GMPPB: variants seen among roughly 807,000 people sequenced by gnomAD.
The protein encoded by GMPPB is GDP-mannose pyrophosphorylase B.
GMPPB carries 38 observed loss-of-function variants against 40.3 expected under a neutral mutation model. That is an observed-to-expected ratio of 0.94 (90% CI 0.73 to 1.24). The LOEUF is 1.24. GMPPB is among the 50% of genes most tolerant of loss of function. The probability of loss-of-function intolerance (pLI) is 0.00; values close to 1 mark genes in which losing one functional copy is unlikely to be tolerated. For synonymous variants in GMPPB, 193 were observed against 191.8 expected (o/e 1.01, Z -0.05); for missense variants, 436 against 487.1 (o/e 0.90, Z 0.99).
At position 49,723,097 on chromosome 3, in the gene GMPPB, C is replaced by CCAG. The variant is rs2080448290; in HGVS notation, c.274_276dup (p.Leu92dup). On this transcript the variant is annotated inframe_insertion, in exon 4 of 9. Transcript: ENST00000308388. Reference sequence around the variant, plus strand: ...GCAGTCTCAGAGAGTAGGTCACGGGCCAGCGCCAGGGGCCCAGCTGGGGGA... The same window carrying CCAG: ...GCAGTCTCAGAGAGTAGGTCACGGGCCAGCAGCGCCAGGGGCCCAGCTGGGGGA... 1 of 1,613,978 alleles carries CCAG rather than the reference C, an allele frequency of 6.2e-7. No individual in the cohort carries two copies. Among genetic ancestry groups the CCAG allele is most frequent in the African/African-American group, 1.3e-5 (1 of 75,036 alleles).
chr3:49,720,621 C>T lies in GMPPB; in HGVS notation c.*1131G>A. 6.2e-7 allele frequency: 1 copy of T among 1,604,506 alleles called. No individual in the cohort carries two copies. The highest frequency in any genetic ancestry group is 8.5e-7 in the Non-Finnish European group (1 of 1,173,482). On this transcript the variant is annotated 3_prime_UTR_variant, in exon 9 of 9. Transcript: ENST00000308388. ...CCAGCACCTGGCACTGCTCTGCCAG[C>T]CCCTGACCGGAAGCGCTTCTCCCTG...
rs745364258 is a variant in GMPPB, at chr3:49,720,945, T to C, written c.*807A>G. 3.7e-6 allele frequency: 6 copies of C among 1,607,258 alleles called. No individual in the cohort carries two copies. The highest frequency in any genetic ancestry group is 5.1e-6 in the Non-Finnish European group (6 of 1,174,064). ...CCATGCCACTTGAATATGTGTGCAC[T>C]CCTACACAGGCACAACGGACATCCA... is the stretch of plus-strand genomic sequence containing the variant. On this transcript the variant is annotated 3_prime_UTR_variant, in exon 9 of 9. Coordinates refer to ENST00000308388, the MANE Select transcript of GMPPB (RefSeq NM_021971.4).
At chr3:49,721,936 T>TACC in intron 8 of GMPPB, 29 bp downstream of exon 8, 6 of 1,584,952 alleles carry the variant, frequency 3.8e-6, no homozygotes, top group African/African-American at 1.3e-5. Flanking sequence ...CCCGCCCCTC[T>TACC]CCCCACCCAG....
rs570077731 is a variant in GMPPB, at chr3:49,721,599, A to G, written c.*153T>C. On this transcript the variant is annotated 3_prime_UTR_variant, in exon 9 of 9. Transcript: ENST00000308388. Reference sequence around the variant, plus strand: ...TGCCCAGCAGGGATCCTGCCAGATGATGTCCACATGAGAAGGCAGGTGTCC... The same window carrying G: ...TGCCCAGCAGGGATCCTGCCAGATGGTGTCCACATGAGAAGGCAGGTGTCC... 15 of 839,168 alleles carry G rather than the reference A, an allele frequency of 1.8e-5. No individual in the cohort carries two copies. Among genetic ancestry groups the G allele is most frequent in the Admixed American group, 1.2e-4 (6 of 49,238 alleles). 52.0% of individuals were successfully genotyped at this position (839,168 alleles called of 1,614,324 possible). A position where few individuals can be genotyped will look rare whatever the true frequency, so the allele number is the denominator to read the frequency against.
Position 49,722,486 on chromosome 3 carries a change from C to T in GMPPB, c.586G>A (p.Glu196Lys), listed in dbSNP as rs758587073. ...IQLQPTSIEKEVFPIMAKEGQ... is the reference protein window; with the variant it reads ...IQLQPTSIEKKVFPIMAKEGQ... Reference sequence around the variant, plus strand: ...TCCTTGGCCATAATGGGGAAGACCTCCTTCTCAATGGACGTAGGCTGCAGC... The same window carrying T: ...TCCTTGGCCATAATGGGGAAGACCTTCTTCTCAATGGACGTAGGCTGCAGC... Residue 196 changes from glutamate to lysine, a missense_variant, in exon 6 of 9, where the codon GAG (glutamate) becomes AAG (lysine). Coordinates refer to ENST00000308388, the MANE Select transcript of GMPPB (RefSeq NM_021971.4). 6.2e-7 allele frequency: 1 copy of T among 1,614,216 alleles called. No homozygotes were observed. Among genetic ancestry groups the T allele is most frequent in the Non-Finnish European group, 8.5e-7 (1 of 1,180,026 alleles).
chr3:49,720,429 G>A lies in GMPPB; in HGVS notation c.*1323C>T. 4 of 1,398,938 alleles carry A rather than the reference G, an allele frequency of 2.9e-6. No individual in the cohort carries two copies. Among genetic ancestry groups the A allele is most frequent in the African/African-American group, 2.9e-5 (2 of 69,564 alleles). The allele number at this position is 1,398,938 out of a possible 1,614,324, so 86.7% of individuals were successfully genotyped here. The stretch of plus-strand genomic sequence containing the variant: ...GGGGGGTGATCATGTACGAGCCATG[G>A]CACTCCTCATTGGCAATCCCAAGAG... On this transcript the variant is annotated 3_prime_UTR_variant, in exon 9 of 9. Transcript: ENST00000308388.
At chr3:49,721,936 T>TGCCCCC in intron 8 of GMPPB, 29 bp downstream of exon 8, 201 of 1,583,150 alleles carry the variant, frequency 1.3e-4, no homozygotes, top group Non-Finnish European at 1.5e-4. Context: ...CCCGCCCCTC[T>TGCCCCC]CCCCACCCAG....
Position 49,721,756 on chromosome 3 carries a change from A to ATGAT in GMPPB, c.1075_1078dup (p.Met360AsnfsTer24), listed in dbSNP as rs2080412971. 6.2e-7 allele frequency: 1 copy of ATGAT among 1,600,024 alleles called. No homozygotes were observed. Among genetic ancestry groups the ATGAT allele is most frequent in the East Asian group, 2.2e-5 (1 of 44,858 alleles). On this transcript the variant is annotated frameshift_variant, in exon 9 of 9. Coordinates refer to ENST00000308388, the MANE Select transcript of GMPPB (RefSeq NM_021971.4). LOFTEE classifies it high-confidence loss of function. ...GGCCAGCCCCACTGCATCCCCTCAC[A>ATGAT]TGATGATACGAGGCTCTGGCACTGA... is the stretch of plus-strand genomic sequence containing the variant.
At chr3:49,722,189 C>G in intron 7 of GMPPB, 42 bp from the exon 8 acceptor site, 2 of 1,607,798 alleles carry the variant, frequency 1.2e-6, no homozygotes, top group South Asian at 2.2e-5. Flanking sequence ...ACTTGTCTCC[C>G]AAGACTGAGG....
chr3:49,720,934 T>C lies in GMPPB; in HGVS notation c.*818A>G. The C allele has an allele frequency of 6.2e-7, 1 of 1,611,424 alleles. No individual in the cohort carries two copies. The highest frequency in any genetic ancestry group is 8.5e-7 in the Non-Finnish European group (1 of 1,177,662). On this transcript the variant is annotated 3_prime_UTR_variant, in exon 9 of 9. Transcript: ENST00000308388. The stretch of plus-strand genomic sequence containing the variant: ...GGTGCACAGGTCCATGCCACTTGAA[T>C]ATGTGTGCACTCCTACACAGGCACA...
chr3:49,723,083 G>A lies in GMPPB; in HGVS notation c.291C>T (p.Leu97=), dbSNP rs1444185734. The part of the protein sequence containing the change: ...AGPLALARDL[L]SETADPFFVL... ...CGAAGAAAGGGTCTGCAGTCTCAGA[G>A]AGTAGGTCACGGGCCAGCGCCAGGG... The change falls in exon 4 of 9, where the codon CTC becomes CTT. Residue 97 remains leucine, a synonymous_variant. Transcript: ENST00000308388. The A allele has an allele frequency of 1.9e-6, 3 of 1,613,818 alleles. No individual in the cohort carries two copies. The highest frequency in any genetic ancestry group is 2.2e-5 in the East Asian group (1 of 44,888).
chr3:49,722,205 A>AATG lies in GMPPB; in HGVS notation c.768+23_768+25dup, dbSNP rs776871687. The AATG allele has an allele frequency of 7.9e-5, 127 of 1,609,394 alleles. 1 individual carries two copies. The South Asian group carries it at 1.2e-3, about 16-fold the overall frequency. On this transcript the variant is annotated intron_variant, in intron 7 of 8. Coordinates refer to ENST00000308388, the MANE Select transcript of GMPPB (RefSeq NM_021971.4). ...CTTGTCTCCCAAGACTGAGGGGGTTAATGATGGGCTGGGCAAGGGCCTCAC... is the reference window on the plus strand; with the variant it reads ...CTTGTCTCCCAAGACTGAGGGGGTTAATGATGATGGGCTGGGCAAGGGCCTCAC...
In GMPPB at chr3:49,721,336, C is replaced by T. The variant is rs1000848134; in HGVS notation, c.*416G>A. On this transcript the variant is annotated 3_prime_UTR_variant, in exon 9 of 9. Transcript: ENST00000308388. ...ACAGCCTGTGCCATCCTGGAACCTC[C>T]ACCTTTGAACCCAGAGCCAGGCTGG... 1 of 1,613,984 alleles carries T rather than the reference C, an allele frequency of 6.2e-7. No homozygotes were observed. The highest frequency in any genetic ancestry group is 1.3e-5 in the African/African-American group (1 of 74,936).
At chr3:49,723,364 G>T in intron 2 of GMPPB, 28 bp downstream of exon 2, 1 of 1,614,044 alleles carries the variant, frequency 6.2e-7, no homozygotes, top group Non-Finnish European at 8.5e-7. Context: ...CGGGGACCGA[G>T]AATAAGGGCC....
intron 4 of GMPPB, 79 bp from the exon 5 acceptor site, chr3:49,722,833 G>A (rs2080438729): frequency 6.5e-7 from 1 of 1,531,732 alleles, no homozygotes; most frequent in Non-Finnish European, 8.9e-7. Context: ...GATCTCAAGA[G>A]ACTCTGCCCC....
Position 49,723,319 on chromosome 3 carries a change from C to A in GMPPB, c.211-17G>T, listed in dbSNP as rs1396588446. ...GATTCCCAGCTGGAAGGAAGAGGCC[C>A]CCCCAGTCAGGTTCTACCAGGATGG... On this transcript the variant is annotated splice_polypyrimidine_tract_variant and intron_variant, in intron 2 of 8. Transcript: ENST00000308388. 1 of 1,614,172 alleles carries A rather than the reference C, an allele frequency of 6.2e-7. No homozygotes were observed. The highest frequency in any genetic ancestry group is 1.7e-5 in the Admixed American group (1 of 60,030).
chr3:49,720,605 G>A lies in GMPPB; in HGVS notation c.*1147C>T. ...GGGACAGCCAGAGCCCCCAGCACCT[G>A]GCACTGCTCTGCCAGCCCCTGACCG... On this transcript the variant is annotated 3_prime_UTR_variant, in exon 9 of 9. Transcript: ENST00000308388. 1 of 1,609,944 alleles carries A rather than the reference G, an allele frequency of 6.2e-7. No individual in the cohort carries two copies. Among genetic ancestry groups the A allele is most frequent in the Non-Finnish European group, 8.5e-7 (1 of 1,177,268 alleles).
chr3:49,722,791 T>C (rs760984317), intron 4 of GMPPB, 37 bp from the exon 5 acceptor site: 1 of 1,594,064 alleles, frequency 6.3e-7, no homozygotes, highest in Non-Finnish European at 8.5e-7. Context: ...CCTAGTCCAG[T>C]GTTCCTAAGC....
rs953739638 is a variant in GMPPB at position 49,722,811 on chromosome 3, C to T, written c.403-57G>A. 1.7e-5 allele frequency: 26 copies of T among 1,562,618 alleles called. No individual in the cohort carries two copies. In the Admixed American group the frequency reaches 4.5e-4, roughly 27 times the overall value. ...TCCAGTGTTCCTAAGCCTTGATACA[C>T]ATGCCGTTCCAGATCTCAAGAGACT... On this transcript the variant is annotated intron_variant, in intron 4 of 8. Coordinates refer to ENST00000308388, the MANE Select transcript of GMPPB (RefSeq NM_021971.4).
Sources: allele counts gnomAD v4.1 joint callset, GRCh38; gene constraint gnomAD v4.1.1; transcripts MANE v1.5; gene names NCBI Gene and HGNC (gene_info 2026-07-23, HGNC 2026-07-21).